The following CNBD1 variants were observed in gnomAD, a reference collection of about 807,000 sequenced individuals.
The protein encoded by CNBD1 is cyclic nucleotide binding domain containing 1.
CNBD1 carries 71 observed loss-of-function variants against 54.4 expected under a neutral mutation model. The observed-to-expected ratio is 1.30, with a 90% CI of 1.08 to 1.59. CNBD1 has a LOEUF of 1.59. Among genes scored for constraint, CNBD1 ranks in the 40% most tolerant of loss-of-function variants. CNBD1 has a pLI of 0.00. For missense variants in CNBD1, 659 were observed against 518.0 expected (o/e 1.27, Z -2.64); for synonymous variants, 182 against 170.7 (o/e 1.07, Z -0.51).
At chr8:87,310,347 A>G (rs1391035329) in intron 8 of CNBD1, among the ~76,000 whole-genome samples, 1 of 151,976 alleles carries the variant, frequency 6.6e-6, no homozygotes, top group East Asian at 1.9e-4. Flanking sequence ...AGAGTACAAC[A>G]CTGTCTTAAA....
At chr8:87,143,598 G>A (rs531493976) in intron 4 of CNBD1, among the ~76,000 whole-genome samples, 8 of 152,200 alleles carry the variant, frequency 5.3e-5, no homozygotes, top group African/African-American at 1.9e-4. Context: ...GATTCTTTCT[G>A]ATGAATATAC....
At chr8:87,007,221 A>C (rs1342042284) in intron 4 of CNBD1, among the ~76,000 whole-genome samples, 1 of 152,068 alleles carries the variant, frequency 6.6e-6, no homozygotes, top group Non-Finnish European at 1.5e-5. Context: ...AAAAATTTAA[A>C]ACTTATTACT....
chr8:86,920,007 T>A lies in CNBD1; in HGVS notation c.272+14813T>A, dbSNP rs368767743. On this transcript the variant is annotated intron_variant, in intron 3 of 10. Transcript: ENST00000518476. ...TGATATGTTTCTTTTTCTTTCAGAA[T>A]GTGAAAAAAAAAAGTCACCAAACTG... Among the ~76,000 whole-genome samples, 417 of 151,738 alleles carry A rather than the reference T, an allele frequency of 2.7e-3. 1 individual carries two copies. The highest frequency in any genetic ancestry group is 5.3e-3 in the Non-Finnish European group (361 of 67,902).
intron 2 of CNBD1, among the ~76,000 whole-genome samples, chr8:87,411,377 C>T (rs1342054531): frequency 9.5e-6 from 1 of 104,728 alleles, no homozygotes; most frequent in Non-Finnish European, 1.8e-5. Flanking sequence ...ATTTCATAGG[C>T]AGGATTAACC....
chr8:87,387,190 G>A (rs971131479), downstream of CNBD1, among the ~76,000 whole-genome samples: 2 of 152,138 alleles, frequency 1.3e-5, no homozygotes, highest in African/African-American at 2.4e-5. Context: ...GGAAGAAACT[G>A]CATCAACTAA....
At chr8:87,072,572 G>C (rs142734916) in intron 4 of CNBD1, among the ~76,000 whole-genome samples, 1 of 135,190 alleles carries the variant, frequency 7.4e-6, no homozygotes, top group Non-Finnish European at 1.7e-5. Flanking sequence ...ATGAAGCTTA[G>C]TTTGGCCAGA....
intron 4 of CNBD1, among the ~76,000 whole-genome samples, chr8:87,057,587 C>T (rs1810447877): frequency 6.6e-6 from 1 of 152,170 alleles, no homozygotes; most frequent in Non-Finnish European, 1.5e-5. Context: ...AGTGGCCCAT[C>T]CCTGTAATCC....
intron 2 of CNBD1, among the ~76,000 whole-genome samples, chr8:87,405,660 G>C (rs1212458621): frequency 6.6e-6 from 1 of 152,078 alleles, no homozygotes; most frequent in Non-Finnish European, 1.5e-5. Context: ...AATAAAGTAT[G>C]TCATAGGCAT....
intron 8 of CNBD1, among the ~76,000 whole-genome samples, chr8:87,297,942 A>G (rs1222265694): frequency 6.6e-6 from 1 of 151,586 alleles, no homozygotes; most frequent in African/African-American, 2.4e-5. Flanking sequence ...TATTCTATAT[A>G]TTCTCCCTAC....
intron 6 of CNBD1, among the ~76,000 whole-genome samples, chr8:87,271,338 T>G (rs10095212): frequency 0.28 from 42,727 of 151,702 alleles, 6,462 homozygotes; most frequent in African/African-American, 0.39. Flanking sequence ...TGCATCATTA[T>G]GTTCTTTATT....
chr8:87,216,616 A>G (rs1814216876), intron 5 of CNBD1, among the ~76,000 whole-genome samples: 1 of 152,140 alleles, frequency 6.6e-6, no homozygotes. Flanking sequence ...TTAGCTGTGC[A>G]GGATAAAGCT....
At chr8:87,337,101 G>C (rs549220321) in intron 8 of CNBD1, among the ~76,000 whole-genome samples, 1 of 152,194 alleles carries the variant, frequency 6.6e-6, no homozygotes, top group Middle Eastern at 3.4e-3. Flanking sequence ...GACCTTGAGG[G>C]GCACAGACCT....
At chr8:86,944,997 C>G (rs1807432685) in intron 4 of CNBD1, among the ~76,000 whole-genome samples, 1 of 152,134 alleles carries the variant, frequency 6.6e-6, no homozygotes, top group Admixed American at 6.6e-5. Context: ...TCAGTTTGAC[C>G]ACTAACATGA....
rs1329712721 is a variant in CNBD1 at position 87,402,839 on chromosome 8, G to C, written c.214-25707G>C. On this transcript the variant is annotated intron_variant, in intron 2 of 7. Transcript: ENST00000521593. ...GAGCAGAAAATAGAATGGAAGCAAA[G>C]CCATCTAATGGAGACTATTGCAATA... Among the ~76,000 whole-genome samples the C allele has an allele frequency of 2.6e-5, 4 of 152,038 alleles. No homozygotes were observed. The East Asian group carries it at 7.7e-4, about 29-fold the overall frequency.
chr8:87,174,237 C>T (rs886611831), intron 4 of CNBD1, among the ~76,000 whole-genome samples: 1 of 152,064 alleles, frequency 6.6e-6, no homozygotes, highest in African/African-American at 2.4e-5. Flanking sequence ...GGATTACAGA[C>T]GTGAGCCACC....
intron 6 of CNBD1, among the ~76,000 whole-genome samples, chr8:87,270,330 G>A (rs1234017157): frequency 1.3e-5 from 2 of 151,836 alleles, no homozygotes; most frequent in Admixed American, 1.3e-4. Context: ...TTCAAAAGAA[G>A]ACATATATGT....
chr8:87,153,504 C>A (rs1286432511), intron 4 of CNBD1, among the ~76,000 whole-genome samples: 1 of 151,998 alleles, frequency 6.6e-6, no homozygotes, highest in Non-Finnish European at 1.5e-5. Flanking sequence ...AATCGTGGAC[C>A]AAGGCAATGC....
chr8:87,245,864 A>G (rs1259926146), intron 6 of CNBD1, among the ~76,000 whole-genome samples: 1 of 151,882 alleles, frequency 6.6e-6, no homozygotes, highest in Non-Finnish European at 1.5e-5. Context: ...TTATGGATAT[A>G]TTGTTTTTTT....
chr8:87,158,964 C>T (rs58786691), intron 4 of CNBD1, among the ~76,000 whole-genome samples: 1 of 152,234 alleles, frequency 6.6e-6, no homozygotes, highest in Admixed American at 6.5e-5. Flanking sequence ...CAGGATCAAG[C>T]TATAAATCTG....
Sources: allele counts gnomAD v4.1 joint callset (sites outside exome capture counted in the v4.1 genomes callset), GRCh38; gene constraint gnomAD v4.1.1; transcripts MANE v1.5; gene names NCBI Gene and HGNC (gene_info 2026-07-23, HGNC 2026-07-21).